Variants in ALX4 observed in about 807,000 individuals in gnomAD.
ALX4 encodes homeobox protein aristaless-like 4.
ALX4 carries 22 observed loss-of-function variants against 40.6 expected under a neutral mutation model. That is an observed-to-expected ratio of 0.54 (90% CI 0.39 to 0.77). ALX4 has a LOEUF of 0.77. Among genes scored for constraint, ALX4 ranks in the 30% least tolerant of loss-of-function variants. ALX4 has a pLI of 0.00. For synonymous variants in ALX4, 266 were observed against 240.5 expected (o/e 1.11, Z -0.98); for missense variants, 556 against 564.8 (o/e 0.98, Z 0.16).
rs774417073 is a variant in ALX4 at position 44,310,094 on chromosome 11, C to A, written c.-32G>T. The stretch of plus-strand genomic sequence containing the variant: ...CTTGCGCAGGCGGCGGGCGGGGACG[C>A]GAGCGAGGGCGCGAGGACGCCACCG... On this transcript the variant is annotated 5_prime_UTR_variant, in exon 1 of 4. Coordinates refer to ENST00000652299, the MANE Select transcript of ALX4 (RefSeq NM_021926.4). The A allele has an allele frequency of 1.9e-6, 3 of 1,548,438 alleles. No individual in the cohort carries two copies. The highest frequency in any genetic ancestry group is 2.6e-6 in the Non-Finnish European group (3 of 1,144,544).
chr11:44,281,442 C>T (rs933838353), intron 1 of ALX4, among the ~76,000 whole-genome samples: 1 of 151,970 alleles, frequency 6.6e-6, no homozygotes, highest in Non-Finnish European at 1.5e-5. Context: ...GCATATGGCG[C>T]TAAGGGGTCT....
intron 1 of ALX4, among the ~76,000 whole-genome samples, chr11:44,304,422 T>C (rs968879406): frequency 9.9e-5 from 15 of 152,026 alleles, no homozygotes; most frequent in Admixed American, 7.9e-4. Flanking sequence ...TTCTCTCTTC[T>C]CTCCGGCATA....
At chr11:44,300,388 G>A (rs976657853) in intron 1 of ALX4, among the ~76,000 whole-genome samples, 4 of 152,186 alleles carry the variant, frequency 2.6e-5, no homozygotes, top group Non-Finnish European at 5.9e-5. Context: ...AGAGGCCATG[G>A]AGCTGGAGTT....
intron 1 of ALX4, among the ~76,000 whole-genome samples, chr11:44,295,409 C>T (rs1024088448): frequency 4.6e-5 from 7 of 152,226 alleles, no homozygotes; most frequent in African/African-American, 1.7e-4. Context: ...TTCCAAGAAC[C>T]CTAGAAATTA....
chr11:44,304,251 C>T (rs1231574172), intron 1 of ALX4, among the ~76,000 whole-genome samples: 1 of 152,240 alleles, frequency 6.6e-6, no homozygotes, highest in African/African-American at 2.4e-5. Context: ...GCGCACATGG[C>T]CAGGTGGCGC....
intron 1 of ALX4, among the ~76,000 whole-genome samples, chr11:44,295,311 G>T (rs370237542): frequency 1.5e-4 from 23 of 152,356 alleles, no homozygotes; most frequent in African/African-American, 5.5e-4. Context: ...TCCAGGTCCT[G>T]AGCTTCATGG....
intron 1 of ALX4, among the ~76,000 whole-genome samples, chr11:44,297,720 AATAAT>A (rs1430380445): frequency 3.0e-5 from 1 of 33,646 alleles, no homozygotes; most frequent in South Asian, 1.2e-3. Flanking sequence ...TGTCTCAAAA[AATAAT>A]AAAATAAAAT....
Position 44,264,429 on chromosome 11 carries a change from A to AG in ALX4, c.*424dup, listed in dbSNP as rs113592690. 7.0e-3 allele frequency: 1,296 copies of AG among 185,584 alleles called. 30 individuals are homozygous for AG. Among genetic ancestry groups the AG allele is most frequent in the African/African-American group, 0.029 (1,226 of 42,714 alleles). 11.5% of individuals were successfully genotyped at this position (185,584 alleles called of 1,614,324 possible). On this transcript the variant is annotated 3_prime_UTR_variant, in exon 4 of 4. Coordinates refer to ENST00000652299, the MANE Select transcript of ALX4 (RefSeq NM_021926.4). ...ACACACAGCCACCGGCCTGGTGACC[A>AG]GGGGACCCCACTAGGAGCGGGAAGG...
chr11:44,298,755 C>A (rs1430515484), intron 1 of ALX4, among the ~76,000 whole-genome samples: 3 of 151,270 alleles, frequency 2.0e-5, no homozygotes, highest in Non-Finnish European at 4.4e-5. Context: ...ATAGAGCTAC[C>A]CAGAGCCTCG....
chr11:44,277,929 C>T (rs995613500), intron 1 of ALX4, among the ~76,000 whole-genome samples: 4 of 152,184 alleles, frequency 2.6e-5, no homozygotes, highest in African/African-American at 4.8e-5. Context: ...CAACATTCTG[C>T]AAACTGCAGC....
chr11:44,281,101 TTTTCTTTTTTCTTTC>T (rs1956307394), intron 1 of ALX4, among the ~76,000 whole-genome samples: 1 of 152,166 alleles, frequency 6.6e-6, no homozygotes, highest in Non-Finnish European at 1.5e-5. Context: ...GGTGACTGAT[TTTTCTTTTTTCTTTC>T]TTTCTTTTTT....
chr11:44,300,142 C>T (rs1465845973), intron 1 of ALX4, among the ~76,000 whole-genome samples: 1 of 152,182 alleles, frequency 6.6e-6, no homozygotes, highest in African/African-American at 2.4e-5. Flanking sequence ...AGCCTTCCCC[C>T]TTTCCTGGTA....
At chr11:44,289,114 A>T (rs556153153) in intron 1 of ALX4, among the ~76,000 whole-genome samples, 1 of 152,332 alleles carries the variant, frequency 6.6e-6, no homozygotes, top group South Asian at 2.1e-4. Flanking sequence ...CTTGTTTCCC[A>T]GACACGGCAG....
rs1956177815 is a variant in ALX4, at chr11:44,260,723, T to G, written c.*4131A>C. On this transcript the variant is annotated 3_prime_UTR_variant, in exon 4 of 4. Coordinates refer to ENST00000652299, the MANE Select transcript of ALX4 (RefSeq NM_021926.4). ...CTTTATGGAACCGACCTCATTTTTT[T>G]TTTTACATTTTTCTGGATTTTTACT... The G allele has an allele frequency of 6.6e-6, 1 of 152,210 alleles. No homozygotes were observed. Among genetic ancestry groups the G allele is most frequent in the African/African-American group, 2.4e-5 (1 of 41,468 alleles). 9.4% of individuals were successfully genotyped at this position (152,210 alleles called of 1,614,324 possible). A position where few individuals can be genotyped will look rare whatever the true frequency, so the allele number is the denominator to read the frequency against.
intron 1 of ALX4, 94 bp from the exon 2 acceptor site, chr11:44,275,752 C>G: frequency 8.0e-7 from 1 of 1,250,504 alleles, no homozygotes; most frequent in Non-Finnish European, 1.1e-6. Flanking sequence ...GGGTAGCCAC[C>G]CCCTGCCTTT....
chr11:44,271,811 G>A (rs1002714464), intron 2 of ALX4, among the ~76,000 whole-genome samples: 11 of 152,096 alleles, frequency 7.2e-5, no homozygotes, highest in East Asian at 3.9e-4. Context: ...TACTCAAGGC[G>A]TCATTCTTCT....
chr11:44,275,287 G>C, intron 2 of ALX4, 61 bp downstream of exon 2: 1 of 1,581,924 alleles, frequency 6.3e-7, no homozygotes, highest in Non-Finnish European at 8.7e-7. Context: ...CCCAACTGCA[G>C]CCAAGAGCCC....
chr11:44,306,066 C>T (rs1211180683), intron 1 of ALX4, among the ~76,000 whole-genome samples: 3 of 152,202 alleles, frequency 2.0e-5, no homozygotes, highest in African/African-American at 7.2e-5. Context: ...CCAGGCGGCC[C>T]GCCCTGGACT....
In ALX4 at chr11:44,304,870, C is replaced by T. The variant is rs530905301; in HGVS notation, c.466+4727G>A. ...CCTACTGCGTGCCGGCGTCGCAGCG[C>T]GTGCGGCTCAGGGCTTGGTGACTCC... On this transcript the variant is annotated intron_variant, in intron 1 of 3. Coordinates refer to ENST00000652299, the MANE Select transcript of ALX4 (RefSeq NM_021926.4). 5.5e-3 allele frequency among the ~76,000 whole-genome samples: 843 copies of T among 152,310 alleles called. 6 individuals are homozygous for T. The highest frequency in any genetic ancestry group is 0.02 in the African/African-American group (813 of 41,558).
Sources: gnomAD v4.1 joint callset for allele counts (sites outside exome capture counted in the v4.1 genomes callset) on GRCh38, gnomAD v4.1.1 for gene constraint, MANE v1.5 for transcripts, NCBI Gene and HGNC (gene_info 2026-07-23, HGNC 2026-07-21) for gene names.